LDLRAD3: variants seen among roughly 807,000 people sequenced by gnomAD.
LDLRAD3 encodes low-density lipoprotein receptor class A domain-containing protein 3.
In LDLRAD3, 20 loss-of-function variants were observed where a neutral mutation model predicts 29.4. The observed-to-expected ratio is 0.68, with a 90% CI of 0.48 to 0.99. The LOEUF is 0.99. Ranked by LOEUF, LDLRAD3 falls within the 50% of genes least tolerant of loss-of-function variation. The probability of loss-of-function intolerance (pLI) is 0.00; values close to 1 mark genes in which losing one functional copy is unlikely to be tolerated. For synonymous variants in LDLRAD3, 157 were observed against 192.7 expected, an observed-to-expected ratio of 0.81 and a Z score of 1.53; for missense variants, 420 against 454.3, an observed-to-expected ratio of 0.92 and a Z score of 0.69.
chr11:36,118,576 A>ATTC (rs1853707619), intron 4 of LDLRAD3, among the ~76,000 whole-genome samples: 1 of 152,120 alleles, frequency 6.6e-6, no homozygotes. Context: ...TGCCAAGTAG[A>ATTC]AGCCCTAAAC....
chr11:36,011,273 A>G (rs566180797), intron 1 of LDLRAD3, among the ~76,000 whole-genome samples: 65 of 152,332 alleles, frequency 4.3e-4, no homozygotes, highest in African/African-American at 1.4e-3. Context: ...ATTCCCTGCA[A>G]CCTTGAGTAT....
At position 35,976,198 on chromosome 11, in the gene LDLRAD3, A is replaced by G. The variant is rs74909467; in HGVS notation, c.46+32054A>G. On this transcript the variant is annotated intron_variant, in intron 1 of 5. Transcript: ENST00000315571. ...ATGTTGGCAGGAAACCTGCCTGGTA[A>G]TTCTTTAAACTTGTTGTGAATGAAT... Among the ~76,000 whole-genome samples, 30 of 152,182 alleles carry G rather than the reference A, an allele frequency of 2.0e-4. No homozygotes were observed. The East Asian group carries it at 5.2e-3, about 27-fold the overall frequency.
intron 4 of LDLRAD3, among the ~76,000 whole-genome samples, chr11:36,132,184 A>G (rs1487849751): frequency 6.6e-6 from 1 of 152,216 alleles, no homozygotes; most frequent in Non-Finnish European, 1.5e-5. Flanking sequence ...ATATTAAGCT[A>G]TTAAGCATCA....
At chr11:36,164,384 C>T (rs1472930252) in intron 4 of LDLRAD3, among the ~76,000 whole-genome samples, 1 of 152,206 alleles carries the variant, frequency 6.6e-6, no homozygotes, top group Non-Finnish European at 1.5e-5. Flanking sequence ...GGAATTGTGC[C>T]CCTGCCCCTG....
intron 4 of LDLRAD3, among the ~76,000 whole-genome samples, chr11:36,148,966 C>T (rs985031209): frequency 1.3e-5 from 2 of 152,206 alleles, no homozygotes; most frequent in Non-Finnish European, 2.9e-5. Context: ...TTCAGTCTAC[C>T]TTGTGCATCC....
At chr11:36,199,247 C>T (rs1165737354) in intron 4 of LDLRAD3, among the ~76,000 whole-genome samples, 1 of 152,136 alleles carries the variant, frequency 6.6e-6, no homozygotes, top group African/African-American at 2.4e-5. Context: ...GGAGCCAGAG[C>T]ACTAAAGGAT....
Position 36,229,395 on chromosome 11 carries a change from T to G in LDLRAD3, c.1036T>G (p.Ter346GluextTer14). 1 of 1,601,306 alleles carries G rather than the reference T, an allele frequency of 6.2e-7. No individual in the cohort carries two copies. The highest frequency in any genetic ancestry group is 8.6e-7 in the Non-Finnish European group (1 of 1,169,320). The change falls in exon 6 of 6, where the codon TAA (stop) becomes GAA (glutamate). Residue 346 changes from the stop codon to glutamate, a stop_lost. Transcript: ENST00000315571. ...GCCCAGCCAGGGCACTGAAGAAGTA[T>G]AAGTCCCAGTTATTCCAAAGTCCAT... ...SEPSQGTEEV[*>E]
chr11:36,181,538 C>A (rs1341596726), intron 4 of LDLRAD3, among the ~76,000 whole-genome samples: 2 of 152,156 alleles, frequency 1.3e-5, no homozygotes, highest in African/African-American at 2.4e-5. Context: ...ACTCCAAAGT[C>A]CAGACCGTCC....
At chr11:36,081,929 T>G in intron 3 of LDLRAD3, 151 bp downstream of exon 3, 3 of 919,974 alleles carry the variant, frequency 3.3e-6, no homozygotes, top group African/African-American at 1.7e-5. Flanking sequence ...CTACTTCTTG[T>G]GTAAATCTGT....
chr11:36,228,684 C>T (rs1279697723), intron 5 of LDLRAD3, among the ~76,000 whole-genome samples: 1 of 152,188 alleles, frequency 6.6e-6, no homozygotes, highest in African/African-American at 2.4e-5. Context: ...CCTTTTAAGC[C>T]CCTTCTGCCG....
At chr11:35,978,708 A>G (rs1851504603) in intron 1 of LDLRAD3, among the ~76,000 whole-genome samples, 2 of 152,248 alleles carry the variant, frequency 1.3e-5, no homozygotes, top group South Asian at 4.1e-4. Flanking sequence ...GACAGTTAAT[A>G]GGTAAATTGA....
intron 5 of LDLRAD3, 50 bp from the exon 6 acceptor site, chr11:36,229,105 GTTCTC>G (rs1328463872): frequency 1.6e-6 from 2 of 1,264,588 alleles, no homozygotes; most frequent in Non-Finnish European, 2.3e-6. Flanking sequence ...GCCCTAATGT[GTTCTC>G]TTCTCTTCCT....
rs563184903 is a variant in LDLRAD3, at chr11:36,103,383, G to T, written c.454+4922G>T. ...CTCCAGAGTAGCTGGGACTACAGGCGCCCACCACCACGCCCAGCTAATTTT... is the reference window on the plus strand; with the variant it reads ...CTCCAGAGTAGCTGGGACTACAGGCTCCCACCACCACGCCCAGCTAATTTT... On this transcript the variant is annotated intron_variant, in intron 4 of 5. Coordinates refer to ENST00000315571, the MANE Select transcript of LDLRAD3 (RefSeq NM_174902.4). Among the ~76,000 whole-genome samples, 11 of 151,952 alleles carry T rather than the reference G, an allele frequency of 7.2e-5. No individual in the cohort carries two copies. In the South Asian group the frequency reaches 1.5e-3, roughly 20 times the overall value.
chr11:36,073,058 T>G (rs1472719010), intron 2 of LDLRAD3, among the ~76,000 whole-genome samples: 1 of 152,210 alleles, frequency 6.6e-6, no homozygotes, highest in Non-Finnish European at 1.5e-5. Context: ...GCTGTTTATT[T>G]AGGGTATTAG....
chr11:36,224,644 C>A (rs1458370241), intron 4 of LDLRAD3, among the ~76,000 whole-genome samples: 1 of 152,168 alleles, frequency 6.6e-6, no homozygotes, highest in Non-Finnish European at 1.5e-5. Context: ...GAGTGACCAC[C>A]ACGGACTTGG....
chr11:36,108,640 G>A (rs1453072069), intron 4 of LDLRAD3, among the ~76,000 whole-genome samples: 3 of 152,094 alleles, frequency 2.0e-5, no homozygotes, highest in Non-Finnish European at 4.4e-5. Context: ...CAAGAGAGAG[G>A]AGGGTCAGCG....
intron 4 of LDLRAD3, among the ~76,000 whole-genome samples, chr11:36,146,409 C>T (rs1456322975): frequency 6.6e-6 from 1 of 152,178 alleles, no homozygotes; most frequent in African/African-American, 2.4e-5. Context: ...CCTTTTCATA[C>T]CATATAATTG....
chr11:36,017,688 C>T (rs1367713621), intron 1 of LDLRAD3, among the ~76,000 whole-genome samples: 1 of 151,986 alleles, frequency 6.6e-6, no homozygotes, highest in Non-Finnish European at 1.5e-5. Context: ...ACCCCCATGC[C>T]CCATGACTGT....
At position 36,227,134 on chromosome 11, in the gene LDLRAD3, T is replaced by C. The variant is rs776404499; in HGVS notation, c.504T>C (p.Tyr168=). The change falls in exon 5 of 6, where the codon TAT becomes TAC. Residue 168 remains tyrosine, a synonymous_variant. Transcript: ENST00000315571. ...VFVTSENQLV[Y]YPSITYAIIG... is the part of the protein sequence containing the mutation. Reference sequence around the variant, plus strand: ...TGACTTCAGAGAACCAACTTGTGTATTACCCCAGCATCACCTATGCCATCA... The same window carrying C: ...TGACTTCAGAGAACCAACTTGTGTACTACCCCAGCATCACCTATGCCATCA... 6.2e-7 allele frequency: 1 copy of C among 1,612,306 alleles called. No individual in the cohort carries two copies. The highest frequency in any genetic ancestry group is 8.5e-7 in the Non-Finnish European group (1 of 1,178,922).
Sources: allele counts gnomAD v4.1 joint callset (sites outside exome capture counted in the v4.1 genomes callset), GRCh38; gene constraint gnomAD v4.1.1; transcripts MANE v1.5; gene names NCBI Gene and HGNC (gene_info 2026-07-23, HGNC 2026-07-21).